TCERG1L: variants seen among roughly 807,000 people sequenced by gnomAD.
TCERG1L encodes the protein transcription elongation regulator 1 like.
A neutral mutation model predicts 56.3 loss-of-function variants in TCERG1L; 37 were observed. That is an observed-to-expected ratio of 0.66 (90% CI 0.51 to 0.87). The LOEUF (loss-of-function observed/expected upper bound fraction) is 0.87. Among genes scored for constraint, TCERG1L ranks in the 40% least tolerant of loss-of-function variants. TCERG1L has a pLI of 0.00. For synonymous variants in TCERG1L, 324 were observed against 326.3 expected, an observed-to-expected ratio of 0.99 and a Z score of 0.08; for missense variants, 799 against 774.2, an observed-to-expected ratio of 1.03 and a Z score of -0.38.
At chr10:131,186,049 T>C (rs886599970) in intron 4 of TCERG1L, among the ~76,000 whole-genome samples, 4 of 152,340 alleles carry the variant, frequency 2.6e-5, no homozygotes, top group African/African-American at 7.2e-5. Flanking sequence ...ACTGCTGATA[T>C]ATGGTACTGT....
intron 4 of TCERG1L, among the ~76,000 whole-genome samples, chr10:131,222,646 G>A (rs748580357): frequency 1.1e-4 from 17 of 152,232 alleles, no homozygotes; most frequent in Non-Finnish European, 2.2e-4. Flanking sequence ...CCAGGAGATA[G>A]TGAGGGTATG....
intron 8 of TCERG1L, among the ~76,000 whole-genome samples, chr10:131,119,197 G>T (rs1378904603): frequency 6.6e-6 from 1 of 152,176 alleles, no homozygotes; most frequent in Admixed American, 6.5e-5. Context: ...AAATTCATTA[G>T]TACCATGTTT....
intron 3 of TCERG1L, among the ~76,000 whole-genome samples, chr10:131,299,043 T>A (rs1437766607): frequency 6.6e-6 from 1 of 152,220 alleles, no homozygotes; most frequent in South Asian, 2.1e-4. Flanking sequence ...TTAGGTTTTA[T>A]TAGATTAAAT....
chr10:131,298,222 G>T (rs1846719841), intron 3 of TCERG1L, among the ~76,000 whole-genome samples: 1 of 148,370 alleles, frequency 6.7e-6, no homozygotes, highest in Admixed American at 6.7e-5. Context: ...CTTTTTTTGT[G>T]ATATTGATTT....
Position 131,311,583 on chromosome 10 carries a change from TG to T in TCERG1L, c.52del (p.Gln18SerfsTer107). The T allele has an allele frequency of 8.7e-7, 1 of 1,146,456 alleles. No individual in the cohort carries two copies. Among genetic ancestry groups the T allele is most frequent in the South Asian group, 4.1e-5 (1 of 24,284 alleles). 71.0% of individuals were successfully genotyped at this position (1,146,456 alleles called of 1,614,324 possible). On this transcript the variant is annotated frameshift_variant, in exon 1 of 12. Transcript: ENST00000368642. LOFTEE classifies it high-confidence loss of function. This position sits in a 1 kb window ranked among gnomAD's most constrained non-coding sequence, Gnocchi z 4.0. ...QRRRRQLQQQ[Q>X]PRRRQPLLWP... is the part of the protein sequence containing the mutation. Reference sequence around the variant, plus strand: ...GAGGAGAGGCTGCCGCCGCCGGGGCTGCTGCTGCTGCAGCTGCCGCCGCCGC... The same window carrying T: ...GAGGAGAGGCTGCCGCCGCCGGGGCTCTGCTGCTGCAGCTGCCGCCGCCGC...
intron 4 of TCERG1L, among the ~76,000 whole-genome samples, chr10:131,184,259 T>G (rs1222594045): frequency 6.6e-6 from 1 of 152,250 alleles, no homozygotes. Flanking sequence ...CCGTTTCTTA[T>G]CCGCAAGCTC....
rs574327202 is a variant in TCERG1L at position 131,130,727 on chromosome 10, GC to G, written c.1259+3651del. ...ATACCTCCAAGTAGTGATACAGTGA[GC>G]CAAATATCTGACAACCAGCCTTGTG... is the stretch of plus-strand genomic sequence containing the variant. On this transcript the variant is annotated intron_variant, in intron 8 of 11. Coordinates refer to ENST00000368642, the MANE Select transcript of TCERG1L (RefSeq NM_174937.4). Among the ~76,000 whole-genome samples, 575 of 152,296 alleles carry G rather than the reference GC, an allele frequency of 3.8e-3. 6 individuals carry two copies. The highest frequency in any genetic ancestry group is 0.027 in the South Asian group (130 of 4,822).
chr10:131,130,187 G>A (rs1343369670), intron 8 of TCERG1L, among the ~76,000 whole-genome samples: 3 of 152,052 alleles, frequency 2.0e-5, no homozygotes, highest in Non-Finnish European at 4.4e-5. Flanking sequence ...AAGGCGGCAG[G>A]CAAGGAGAGT....
intron 7 of TCERG1L, among the ~76,000 whole-genome samples, chr10:131,142,518 C>T (rs1046246555): frequency 3.9e-5 from 6 of 152,222 alleles, no homozygotes; most frequent in Admixed American, 6.5e-5. Context: ...ATGGCTAAAG[C>T]GTTTACAGAG....
chr10:131,126,620 C>T (rs1356264017), intron 8 of TCERG1L, among the ~76,000 whole-genome samples: 2 of 152,226 alleles, frequency 1.3e-5, no homozygotes, highest in African/African-American at 2.4e-5. Flanking sequence ...CATCCAGCTT[C>T]AGTGCCGGCT....
intron 3 of TCERG1L, among the ~76,000 whole-genome samples, chr10:131,303,317 T>C (rs999812523): frequency 6.6e-6 from 1 of 152,136 alleles, no homozygotes; most frequent in Non-Finnish European, 1.5e-5. Flanking sequence ...ATGATCGCCA[T>C]TCTAACTGGC....
At chr10:131,277,539 T>G (rs1846405826) in intron 3 of TCERG1L, among the ~76,000 whole-genome samples, 1 of 152,284 alleles carries the variant, frequency 6.6e-6, no homozygotes, top group Non-Finnish European at 1.5e-5. Flanking sequence ...CTTGGCTGCT[T>G]AATGACGTTT....
At chr10:131,285,091 G>A (rs1033196089) in intron 3 of TCERG1L, among the ~76,000 whole-genome samples, 2 of 152,116 alleles carry the variant, frequency 1.3e-5, no homozygotes, top group South Asian at 2.1e-4. Context: ...AAAAGAAAAT[G>A]AAGCAGCCAG....
chr10:131,223,429 T>C (rs75963314), intron 4 of TCERG1L, among the ~76,000 whole-genome samples: 7,243 of 152,290 alleles, frequency 0.048, 565 homozygotes, highest in African/African-American at 0.16. Context: ...CAGAGAGAGC[T>C]AGATGCCGAC....
intron 4 of TCERG1L, among the ~76,000 whole-genome samples, chr10:131,215,270 G>T (rs1226946834): frequency 6.6e-6 from 1 of 152,190 alleles, no homozygotes; most frequent in Non-Finnish European, 1.5e-5. Flanking sequence ...GCCCCACAGG[G>T]AGCCAGAAAC....
intron 3 of TCERG1L, among the ~76,000 whole-genome samples, chr10:131,294,830 T>TTTAA (rs893645202): frequency 1.7e-4 from 25 of 151,390 alleles, no homozygotes; most frequent in African/African-American, 6.1e-4. Context: ...GGGTATGTCT[T>TTTAA]TTAAGCCTTT....
At chr10:131,253,640 T>A (rs1846135200) in intron 4 of TCERG1L, among the ~76,000 whole-genome samples, 2 of 152,074 alleles carry the variant, frequency 1.3e-5, no homozygotes, top group African/African-American at 4.8e-5. Flanking sequence ...TTGGGCTGGG[T>A]GGGTGTGCGA....
intron 4 of TCERG1L, among the ~76,000 whole-genome samples, chr10:131,255,511 A>G (rs1279743554): frequency 6.6e-6 from 1 of 152,228 alleles, no homozygotes; most frequent in African/African-American, 2.4e-5. Context: ...AGGCTGGGGT[A>G]CTGGGAACAT....
intron 4 of TCERG1L, among the ~76,000 whole-genome samples, chr10:131,222,781 G>A (rs371371428): frequency 3.1e-4 from 47 of 152,282 alleles, no homozygotes; most frequent in African/African-American, 9.4e-4. Context: ...GGTTTAGAGG[G>A]TGGATAAGGC....
Sources: gnomAD v4.1 joint callset for allele counts (sites outside exome capture counted in the v4.1 genomes callset) on GRCh38, gnomAD v4.1.1 for gene constraint, Gnocchi (gnomAD v3.1) non-coding constraint, MANE v1.5 for transcripts, NCBI Gene and HGNC (gene_info 2026-07-23, HGNC 2026-07-21) for gene names.